Variants in DGKB observed in about 807,000 individuals in gnomAD.
DGKB encodes the protein diacylglycerol kinase beta.
In DGKB, 67 loss-of-function variants were observed where a neutral mutation model predicts 114.3. The ratio of observed to expected loss-of-function variants is 0.59; its 90% CI spans 0.48 to 0.72. The LOEUF (loss-of-function observed/expected upper bound fraction) is 0.72, where lower values mean the gene tolerates loss of function less well. Among genes scored for constraint, DGKB ranks in the 30% least tolerant of loss-of-function variants. The probability of loss-of-function intolerance (pLI) is 0.00; values close to 1 mark genes in which losing one functional copy is unlikely to be tolerated. For synonymous variants in DGKB, 398 were observed against 323.1 expected (o/e 1.23, Z -2.49); for missense variants, 907 against 975.2 (o/e 0.93, Z 0.93).
At chr7:14,922,339 G>A (rs1385183134) in intron 1 of DGKB, among the ~76,000 whole-genome samples, 1 of 150,966 alleles carries the variant, frequency 6.6e-6, no homozygotes, top group East Asian at 1.9e-4. Context: ...TGAAGACTAT[G>A]TATGTATATA....
intron 4 of DGKB, among the ~76,000 whole-genome samples, chr7:14,744,944 T>C (rs1022622630): frequency 6.6e-6 from 1 of 152,220 alleles, no homozygotes; most frequent in African/African-American, 2.4e-5. Flanking sequence ...TGTAATAATC[T>C]GGATCAATAT....
intron 23 of DGKB, among the ~76,000 whole-genome samples, chr7:14,226,651 C>G (rs535918811): frequency 6.6e-6 from 1 of 151,968 alleles, no homozygotes; most frequent in Non-Finnish European, 1.5e-5. Flanking sequence ...ATGATTCATA[C>G]ACATATCAAA....
chr7:14,610,981 T>C lies in DGKB; in HGVS notation c.1358+2359A>G, dbSNP rs117876353. On this transcript the variant is annotated intron_variant, in intron 16 of 25. Transcript: ENST00000402815. The stretch of plus-strand genomic sequence containing the variant: ...ATATAAAATTAAGACATCTTCACAA[T>C]TCAGCCACAGTTTCTCTCTCATCTT... Among the ~76,000 whole-genome samples, 13 of 152,234 alleles carry C rather than the reference T, an allele frequency of 8.5e-5. No homozygotes were observed. In the East Asian group the frequency reaches 2.5e-3, roughly 29 times the overall value.
chr7:14,911,501 C>T lies in DGKB; in HGVS notation c.-188+63195G>A, dbSNP rs918418207. ...CAGAGTTTTTTTCCTCCCACTATGGCTCCAACACTCAGCTCAATGTCTGGT... is the reference window on the plus strand; with the variant it reads ...CAGAGTTTTTTTCCTCCCACTATGGTTCCAACACTCAGCTCAATGTCTGGT... On this transcript the variant is annotated intron_variant, in intron 1 of 4. Transcript: ENST00000437998. Among the ~76,000 whole-genome samples the T allele has an allele frequency of 2.0e-5, 3 of 152,116 alleles. No individual in the cohort carries two copies. In the East Asian group the frequency reaches 5.8e-4, roughly 29 times the overall value.
chr7:14,883,351 C>A (rs987715447), intron 1 of DGKB, among the ~76,000 whole-genome samples: 4 of 151,982 alleles, frequency 2.6e-5, no homozygotes, highest in Non-Finnish European at 5.9e-5. Context: ...CATTTTGCTC[C>A]CCTTTGGGAT....
At chr7:14,863,875 G>A (rs927288495) in intron 1 of DGKB, among the ~76,000 whole-genome samples, 1 of 152,008 alleles carries the variant, frequency 6.6e-6, no homozygotes, top group African/African-American at 2.4e-5. Context: ...CTAGGAGGGT[G>A]GATCATGTGA....
At chr7:14,829,370 T>C (rs148665789) in intron 2 of DGKB, among the ~76,000 whole-genome samples, 36 of 152,266 alleles carry the variant, frequency 2.4e-4, no homozygotes, top group African/African-American at 8.2e-4. Flanking sequence ...TTTTCAGATA[T>C]CTCAGCCTAC....
intron 23 of DGKB, among the ~76,000 whole-genome samples, chr7:14,319,083 AC>A: frequency 6.8e-6 from 1 of 147,250 alleles, no homozygotes; most frequent in African/African-American, 2.5e-5. Flanking sequence ...TGGGAATTGA[AC>A]AATGAGATCA....
chr7:14,228,987 A>C (rs1427727365), intron 23 of DGKB, among the ~76,000 whole-genome samples: 3 of 151,788 alleles, frequency 2.0e-5, no homozygotes, highest in African/African-American at 7.3e-5. Context: ...TGAACATATA[A>C]ATTTCATTAA....
At chr7:14,679,508 A>T (rs1235175890) in intron 12 of DGKB, among the ~76,000 whole-genome samples, 1 of 152,066 alleles carries the variant, frequency 6.6e-6, no homozygotes, top group East Asian at 1.9e-4. Context: ...CATATATAAA[A>T]GGAAGTAATG....
intron 25 of DGKB, among the ~76,000 whole-genome samples, chr7:14,150,741 T>G (rs1238128012): frequency 6.6e-6 from 1 of 152,228 alleles, no homozygotes; most frequent in African/African-American, 2.4e-5. Context: ...AAATGATCTA[T>G]ATCAGATTTT....
intron 21 of DGKB, among the ~76,000 whole-genome samples, chr7:14,444,851 T>C (rs1830521437): frequency 6.6e-6 from 1 of 151,718 alleles, no homozygotes; most frequent in African/African-American, 2.4e-5. Context: ...TTATTAAGAG[T>C]GGTATAAAAG....
intron 1 of DGKB, among the ~76,000 whole-genome samples, chr7:14,844,695 C>T (rs1162520964): frequency 6.6e-6 from 1 of 152,170 alleles, no homozygotes; most frequent in African/African-American, 2.4e-5. Flanking sequence ...TGGTCATGAA[C>T]TAGGATGATT....
rs140140203 is a variant in DGKB at position 14,463,724 on chromosome 7, A to G, written c.1835+14437T>C. Among the ~76,000 whole-genome samples, 178 of 152,346 alleles carry G rather than the reference A, an allele frequency of 1.2e-3. 2 individuals carry two copies. Among genetic ancestry groups the G allele is most frequent in the Admixed American group, 9.6e-3 (147 of 15,292 alleles). The stretch of plus-strand genomic sequence containing the variant: ...TAGTAAATTGCTACATATGTAAACT[A>G]GAGCAAGTTATACTTCTGAATTTGT... On this transcript the variant is annotated intron_variant, in intron 21 of 25. Transcript: ENST00000402815.
At chr7:14,951,108 G>C (rs10276183) in intron 1 of DGKB, among the ~76,000 whole-genome samples, 1 of 150,896 alleles carries the variant, frequency 6.6e-6, no homozygotes, top group Non-Finnish European at 1.5e-5. Context: ...TCCTCAGTCT[G>C]ATAAAGGGCA....
intron 4 of DGKB, among the ~76,000 whole-genome samples, chr7:14,752,333 ATT>A (rs1355666704): frequency 8.1e-6 from 1 of 123,924 alleles, no homozygotes; most frequent in East Asian, 2.4e-4. Context: ...CAGGTTCCTT[ATT>A]AAGGGTAAAA....
intron 17 of DGKB, among the ~76,000 whole-genome samples, chr7:14,606,543 T>C (rs1027359294): frequency 6.6e-6 from 1 of 152,006 alleles, no homozygotes; most frequent in African/African-American, 2.4e-5. Context: ...AAATACTTGG[T>C]TTCTGGTTCC....
At chr7:14,704,854 C>A (rs1269084184) in intron 6 of DGKB, among the ~76,000 whole-genome samples, 2 of 152,084 alleles carry the variant, frequency 1.3e-5, no homozygotes, top group Non-Finnish European at 1.5e-5. Flanking sequence ...GTAGATAAAA[C>A]CACAAAGATG....
chr7:14,583,997 G>T (rs554899472), intron 17 of DGKB, among the ~76,000 whole-genome samples: 185 of 152,198 alleles, frequency 1.2e-3, no homozygotes, highest in African/African-American at 4.4e-3. Flanking sequence ...ATTTTTCTAC[G>T]TACTTACGTA....
Sources: allele counts gnomAD v4.1 joint callset (sites outside exome capture counted in the v4.1 genomes callset), GRCh38; gene constraint gnomAD v4.1.1; transcripts MANE v1.5; gene names NCBI Gene and HGNC (gene_info 2026-07-23, HGNC 2026-07-21).